RELN: variants seen among roughly 807,000 people sequenced by gnomAD.
The protein encoded by RELN is reelin.
In RELN, 108 loss-of-function variants were observed where a neutral mutation model predicts 427.6. That is an observed-to-expected ratio of 0.25 (90% CI 0.22 to 0.30). The LOEUF (loss-of-function observed/expected upper bound fraction) is 0.30, where lower values mean the gene tolerates loss of function less well. Ranked by LOEUF, RELN falls within the 10% of genes least tolerant of loss-of-function variation. RELN has a pLI of 1.00. For synonymous variants in RELN, 1,524 were observed against 1,513.4 expected (o/e 1.01, Z -0.16); for missense variants, 3,715 against 4,302.8 (o/e 0.86, Z 3.82).
chr7:103,792,706 T>A (rs1023976693), intron 3 of RELN, among the ~76,000 whole-genome samples: 24 of 152,094 alleles, frequency 1.6e-4, no homozygotes, highest in African/African-American at 5.8e-4. Flanking sequence ...TTTATAATTG[T>A]GAAACTTTTT....
At chr7:103,924,704 C>T (rs954912660) in intron 1 of RELN, among the ~76,000 whole-genome samples, 1 of 151,978 alleles carries the variant, frequency 6.6e-6, no homozygotes, top group African/African-American at 2.4e-5. Context: ...CACACGTAGC[C>T]TCTAAGTCTT....
chr7:103,765,947 T>C (rs907751921), intron 4 of RELN, among the ~76,000 whole-genome samples: 29 of 152,174 alleles, frequency 1.9e-4, no homozygotes, highest in African/African-American at 6.0e-4. Context: ...TTTAGGAAAT[T>C]AAAAGAATAA....
chr7:103,828,318 G>A (rs931045675), intron 3 of RELN, among the ~76,000 whole-genome samples: 8 of 151,828 alleles, frequency 5.3e-5, no homozygotes, highest in Admixed American at 2.0e-4. Flanking sequence ...TTGCCTTCTC[G>A]TTTAGTGTAC....
chr7:103,773,112 CT>C (rs1181914251), intron 4 of RELN, among the ~76,000 whole-genome samples: 1 of 52,830 alleles, frequency 1.9e-5, no homozygotes, highest in Non-Finnish European at 4.6e-5. Context: ...TTCTTTCTTT[CT>C]TTCTTTCTTT....
At chr7:103,905,075 G>A (rs1443808436) in intron 2 of RELN, among the ~76,000 whole-genome samples, 2 of 149,138 alleles carry the variant, frequency 1.3e-5, no homozygotes, top group Admixed American at 6.8e-5. Context: ...CTGCCTCCGG[G>A]GTTCAAGTGA....
intron 11 of RELN, among the ~76,000 whole-genome samples, chr7:103,665,336 T>C (rs1041784077): frequency 1.4e-5 from 2 of 141,328 alleles, no homozygotes. Context: ...ATCATACATA[T>C]GGTGTGTGTG....
intron 1 of RELN, among the ~76,000 whole-genome samples, chr7:103,959,113 T>C (rs1563111900): frequency 6.6e-6 from 1 of 150,530 alleles, no homozygotes; most frequent in Non-Finnish European, 1.5e-5. Context: ...TGGCTAATTT[T>C]CGTATTTTTA....
At chr7:103,555,495 A>G (rs1830502629) in intron 38 of RELN, among the ~76,000 whole-genome samples, 1 of 152,222 alleles carries the variant, frequency 6.6e-6, no homozygotes, top group South Asian at 2.1e-4. Flanking sequence ...TAGTATGAAG[A>G]CAGCAATCCC....
At chr7:103,807,105 C>T (rs1405784587) in intron 3 of RELN, among the ~76,000 whole-genome samples, 1 of 152,152 alleles carries the variant, frequency 6.6e-6, no homozygotes, top group Non-Finnish European at 1.5e-5. Context: ...CTTTAAATGG[C>T]AACTGAGAGT....
At chr7:103,977,777 C>T (rs1384524041) in intron 1 of RELN, among the ~76,000 whole-genome samples, 1 of 152,154 alleles carries the variant, frequency 6.6e-6, no homozygotes, top group African/African-American at 2.4e-5. Flanking sequence ...ACTAATAAAT[C>T]CCTTTAGCCC....
At chr7:103,921,109 G>T (rs1405621045) in intron 1 of RELN, among the ~76,000 whole-genome samples, 1 of 152,124 alleles carries the variant, frequency 6.6e-6, no homozygotes, top group Non-Finnish European at 1.5e-5. Flanking sequence ...ACTGTAATTT[G>T]GGTTTTATTA....
intron 7 of RELN, among the ~76,000 whole-genome samples, chr7:103,727,031 G>A (rs1320232628): frequency 6.6e-6 from 1 of 151,922 alleles, no homozygotes; most frequent in African/African-American, 2.4e-5. Flanking sequence ...TGTATCTATT[G>A]GCATGAAAGG....
In RELN at chr7:103,596,485, C is replaced by A; in HGVS notation, c.3510G>T (p.Glu1170Asp). ...GTTTGCTGAAGTCTGAAAAGTACAT[C>A]TCTGCTAGCAGGTGCCACTGGATGC... ...NGGIQWHLLAEMYFSDFSKPR... is the reference protein window; with the variant it reads ...NGGIQWHLLADMYFSDFSKPR... The change falls in exon 25 of 65, where the codon GAG becomes GAT. Residue 1170 changes from glutamate (E) to aspartate (D), a missense_variant. By Grantham distance (45) the Glu-to-Asp change is conservative. Transcript: ENST00000428762. 2 of 1,613,980 alleles carry A rather than the reference C, an allele frequency of 1.2e-6. No homozygotes were observed. Among genetic ancestry groups the A allele is most frequent in the Non-Finnish European group, 1.7e-6 (2 of 1,179,928 alleles).
At chr7:103,873,727 C>T (rs1421286481) in intron 2 of RELN, among the ~76,000 whole-genome samples, 1 of 144,944 alleles carries the variant, frequency 6.9e-6, no homozygotes, top group African/African-American at 2.5e-5. Flanking sequence ...GCTTACCAAC[C>T]AAAAGGAGTC....
chr7:103,932,166 G>T (rs1795880478), intron 1 of RELN, among the ~76,000 whole-genome samples: 2 of 152,164 alleles, frequency 1.3e-5, no homozygotes, highest in South Asian at 4.1e-4. Context: ...AGTGGATAAA[G>T]AAAATATGGT....
intron 28 of RELN, among the ~76,000 whole-genome samples, chr7:103,579,771 G>A (rs752595828): frequency 6.6e-6 from 1 of 152,006 alleles, no homozygotes; most frequent in African/African-American, 2.4e-5. Context: ...TAAGTGAATC[G>A]ATTTCTGCAC....
chr7:103,708,464 C>CTTTTTTTTTTTTTTTTTTTTTTTTTT lies in RELN; in HGVS notation c.806-7459_806-7458insAAAAAAAAAAAAAAAAAAAAAAAAAA, dbSNP rs745955015. 7.3e-5 allele frequency among the ~76,000 whole-genome samples: 8 copies of CTTTTTTTTTTTTTTTTTTTTTTTTTT among 110,104 alleles called. 2 individuals are homozygous for CTTTTTTTTTTTTTTTTTTTTTTTTTT. The highest frequency in any genetic ancestry group is 1.3e-4 in the African/African-American group (3 of 22,606). The allele number at this position is 110,104 out of a possible 152,430, so 72.2% of individuals were successfully genotyped here. A position where few individuals can be genotyped will look rare whatever the true frequency, so the allele number is the denominator to read the frequency against. ...CACCCAAACACCAGTGGGTATGACTCTTTTTTTTTTTTTTTTTGAGACGGA... is the reference window on the plus strand; with the variant it reads ...CACCCAAACACCAGTGGGTATGACTCTTTTTTTTTTTTTTTTTTTTTTTTTTTTTTTTTTTTTTTTTTTGAGACGGA... On this transcript the variant is annotated intron_variant, in intron 8 of 64. Coordinates refer to ENST00000428762, the MANE Select transcript of RELN (RefSeq NM_005045.4).
At chr7:103,786,180 T>G (rs1213521165) in intron 3 of RELN, among the ~76,000 whole-genome samples, 1 of 151,914 alleles carries the variant, frequency 6.6e-6, no homozygotes, top group East Asian at 1.9e-4. Context: ...TTATGAAAAA[T>G]TTTAAATACA....
rs143413071 is a variant in RELN at position 103,853,812 on chromosome 7, G to A, written c.338-20140C>T. 3.3e-5 allele frequency among the ~76,000 whole-genome samples: 5 copies of A among 152,034 alleles called. No homozygotes were observed. The East Asian group carries it at 9.7e-4, about 29-fold the overall frequency. On this transcript the variant is annotated intron_variant, in intron 2 of 64. Transcript: ENST00000428762. Reference sequence around the variant, plus strand: ...AATAGACAAATATGTAATTATACATGCATGATAAAAAAGTTTACTAATAGA... The same window carrying A: ...AATAGACAAATATGTAATTATACATACATGATAAAAAAGTTTACTAATAGA...
Sources: allele counts gnomAD v4.1 joint callset (sites outside exome capture counted in the v4.1 genomes callset), GRCh38; gene constraint gnomAD v4.1.1; transcripts MANE v1.5; gene names NCBI Gene and HGNC (gene_info 2026-07-23, HGNC 2026-07-21).